GPR158: variants seen among roughly 807,000 people sequenced by gnomAD.
The protein encoded by GPR158 is metabotropic glycine receptor.
GPR158 carries 30 observed loss-of-function variants against 78.2 expected under a neutral mutation model. The ratio of observed to expected loss-of-function variants is 0.38; its 90% confidence interval spans 0.29 to 0.52. The LOEUF (loss-of-function observed/expected upper bound fraction) is 0.52, where lower values mean the gene tolerates loss of function less well. Among genes scored for constraint, GPR158 ranks in the 20% least tolerant of loss-of-function variants. The probability of loss-of-function intolerance (pLI) is 0.83; values close to 1 mark genes in which losing one functional copy is unlikely to be tolerated. For synonymous variants in GPR158, 581 were observed against 591.1 expected, an observed-to-expected ratio of 0.98 and a Z score of 0.25; for missense variants, 1,463 against 1,523.5, an observed-to-expected ratio of 0.96 and a Z score of 0.66.
At chr10:25,207,869 C>A (rs547421107) in intron 1 of GPR158, among the ~76,000 whole-genome samples, 2 of 152,296 alleles carry the variant, frequency 1.3e-5, no homozygotes, top group South Asian at 4.1e-4. Context: ...TTTAAGGACT[C>A]AGATAACAAT....
intron 2 of GPR158, among the ~76,000 whole-genome samples, chr10:25,338,654 T>G (rs533441508): frequency 1.0e-3 from 120 of 117,996 alleles, no homozygotes; most frequent in African/African-American, 3.0e-3. Flanking sequence ...TTTGTCTCCT[T>G]TTCATCCTTG....
intron 1 of GPR158, among the ~76,000 whole-genome samples, chr10:25,199,558 G>A (rs532889304): frequency 1.3e-5 from 2 of 152,154 alleles, no homozygotes; most frequent in African/African-American, 4.8e-5. Flanking sequence ...AATCTCCAGC[G>A]TCCAGGGAGG....
At chr10:25,226,839 T>C (rs750492346) in intron 2 of GPR158, among the ~76,000 whole-genome samples, 1 of 152,188 alleles carries the variant, frequency 6.6e-6, no homozygotes, top group Non-Finnish European at 1.5e-5. Context: ...TTTTGACCAA[T>C]TGCCTAAAAT....
rs372571364 is a variant in GPR158 at position 25,282,712 on chromosome 10, A to T, written c.1008+61555A>T. Among the ~76,000 whole-genome samples the T allele has an allele frequency of 1.1e-3, 174 of 152,180 alleles. 1 individual carries two copies. Among genetic ancestry groups the T allele is most frequent in the African/African-American group, 4.0e-3 (165 of 41,530 alleles). Reference sequence around the variant, plus strand: ...TCTGGTTTTAATTTGTATTTCCCTTATGACTAATAATGTTGAGCATATTTT... The same window carrying T: ...TCTGGTTTTAATTTGTATTTCCCTTTTGACTAATAATGTTGAGCATATTTT... On this transcript the variant is annotated intron_variant, in intron 2 of 10. Coordinates refer to ENST00000376351, the MANE Select transcript of GPR158 (RefSeq NM_020752.3).
At chr10:25,356,101 AT>A (rs1241676110) in intron 2 of GPR158, among the ~76,000 whole-genome samples, 3 of 152,062 alleles carry the variant, frequency 2.0e-5, no homozygotes, top group Admixed American at 6.6e-5. Context: ...ACCTCAATCT[AT>A]TTTTTTCCAG....
At chr10:25,259,608 T>G (rs1184698778) in intron 2 of GPR158, among the ~76,000 whole-genome samples, 1 of 152,172 alleles carries the variant, frequency 6.6e-6, no homozygotes, top group Non-Finnish European at 1.5e-5. Context: ...TAAATAAATC[T>G]TAAAAATCAT....
chr10:25,598,244 T>C lies in GPR158; in HGVS notation c.2618T>C (p.Val873Ala). 1 of 1,614,140 alleles carries C rather than the reference T, an allele frequency of 6.2e-7. No homozygotes were observed. Among genetic ancestry groups the C allele is most frequent in the Non-Finnish European group, 8.5e-7 (1 of 1,180,028 alleles). Residue 873 changes from valine to alanine, a missense_variant, in exon 11 of 11, where the codon GTG becomes GCG. By Grantham distance (64) the Val-to-Ala change is moderately conservative. Transcript: ENST00000376351. ...EDSEAESTES[V>A]PLVCKSASAH... ...AGCGAGGCTGAGTCCACGGAGTCGGTGCCGTTGGTGTGCAAGTCAGCAAGC... is the reference window on the plus strand; with the variant it reads ...AGCGAGGCTGAGTCCACGGAGTCGGCGCCGTTGGTGTGCAAGTCAGCAAGC...
intron 2 of GPR158, among the ~76,000 whole-genome samples, chr10:25,238,988 A>G (rs372560340): frequency 3.3e-5 from 5 of 152,206 alleles, no homozygotes; most frequent in African/African-American, 9.6e-5. Context: ...CCTTTAAATC[A>G]TACATTATAA....
chr10:25,534,027 T>C (rs1428850550), intron 5 of GPR158, among the ~76,000 whole-genome samples: 1 of 152,200 alleles, frequency 6.6e-6, no homozygotes, highest in Admixed American at 6.5e-5. Context: ...ATGAATTCAT[T>C]AGATGTTGTT....
At chr10:25,353,023 G>T (rs929753863) in intron 2 of GPR158, among the ~76,000 whole-genome samples, 1 of 152,118 alleles carries the variant, frequency 6.6e-6, no homozygotes, top group East Asian at 1.9e-4. Flanking sequence ...CTAGAGCTTT[G>T]CTTATATTCC....
At chr10:25,450,351 G>T (rs1835198046) in intron 4 of GPR158, among the ~76,000 whole-genome samples, 1 of 148,836 alleles carries the variant, frequency 6.7e-6, no homozygotes, top group South Asian at 2.2e-4. Flanking sequence ...CATCTTCAGG[G>T]ATTCATGCCT....
intron 4 of GPR158, among the ~76,000 whole-genome samples, chr10:25,417,797 G>A (rs918288512): frequency 6.6e-6 from 1 of 152,142 alleles, no homozygotes; most frequent in African/African-American, 2.4e-5. Context: ...GGAGGGCCAG[G>A]AAACACCTGG....
intron 5 of GPR158, among the ~76,000 whole-genome samples, chr10:25,548,948 G>A (rs1836697454): frequency 2.0e-5 from 3 of 151,996 alleles, no homozygotes; most frequent in Admixed American, 2.0e-4. Flanking sequence ...GTAGTTCCCG[G>A]ACAGCTCAAA....
intron 2 of GPR158, among the ~76,000 whole-genome samples, chr10:25,228,581 G>A (rs1853404580): frequency 6.6e-6 from 1 of 152,086 alleles, no homozygotes; most frequent in Non-Finnish European, 1.5e-5. Flanking sequence ...AAGCACTTGG[G>A]GATATAGAGA....
At chr10:25,249,441 T>G (rs1853756832) in intron 2 of GPR158, among the ~76,000 whole-genome samples, 1 of 152,082 alleles carries the variant, frequency 6.6e-6, no homozygotes, top group Non-Finnish European at 1.5e-5. Context: ...TGATATAGGC[T>G]GTGGGTTTGT....
chr10:25,327,970 G>C (rs1250745253), intron 2 of GPR158, among the ~76,000 whole-genome samples: 4 of 152,096 alleles, frequency 2.6e-5, no homozygotes, highest in African/African-American at 7.2e-5. Context: ...TAACTTAATG[G>C]TTTGGTAGCT....
chr10:25,257,637 T>C (rs1220691640), intron 2 of GPR158, among the ~76,000 whole-genome samples: 2 of 152,234 alleles, frequency 1.3e-5, no homozygotes, highest in Non-Finnish European at 2.9e-5. Flanking sequence ...TTCTCAAAGC[T>C]TGCAAACATT....
chr10:25,584,952 CAAACA>C (rs1230542333), intron 7 of GPR158, among the ~76,000 whole-genome samples: 1 of 151,702 alleles, frequency 6.6e-6, no homozygotes, highest in African/African-American at 2.4e-5. Flanking sequence ...ATTTAAAAAA[CAAACA>C]AAACAAAACA....
chr10:25,599,309 C>T lies in GPR158; in HGVS notation c.*35C>T, dbSNP rs758215270. On this transcript the variant is annotated 3_prime_UTR_variant, in exon 11 of 11. Transcript: ENST00000376351. ...GAAGAAGAGGAAAAGGAGGGAACCC[C>T]GGATTGGATATGAGACAGAAGATAT... 8.3e-6 allele frequency: 12 copies of T among 1,444,542 alleles called. No homozygotes were observed. Among genetic ancestry groups the T allele is most frequent in the Middle Eastern group, 3.5e-4 (2 of 5,648 alleles). The allele number at this position is 1,444,542 out of a possible 1,614,324, so 89.5% of individuals were successfully genotyped here.
Sources: gnomAD v4.1 joint callset for allele counts (sites outside exome capture counted in the v4.1 genomes callset) on GRCh38, gnomAD v4.1.1 for gene constraint, MANE v1.5 for transcripts, NCBI Gene and HGNC (gene_info 2026-07-23, HGNC 2026-07-21) for gene names.